The following ANO10 variants were observed in gnomAD, a reference collection of about 807,000 sequenced individuals.
ANO10 encodes the protein anoctamin-10.
Under a neutral mutation model 74.7 loss-of-function variants are expected in ANO10, and 77 were observed. That is an observed-to-expected ratio of 1.03 (90% confidence interval 0.86 to 1.25). The LOEUF (loss-of-function observed/expected upper bound fraction) is 1.25. ANO10 is among the 50% of genes most tolerant of loss of function. The probability of loss-of-function intolerance (pLI) is 0.00; values close to 1 mark genes in which losing one functional copy is unlikely to be tolerated. For synonymous variants in ANO10, 279 were observed against 284.9 expected, an observed-to-expected ratio of 0.98 and a Z score of 0.21; for missense variants, 721 against 778.1, an observed-to-expected ratio of 0.93 and a Z score of 0.87.
At position 43,598,548 on chromosome 3, in the gene ANO10, A is replaced by G; in HGVS notation, c.456T>C (p.Tyr152=). 1 of 1,613,210 alleles carries G rather than the reference A, an allele frequency of 6.2e-7. No individual in the cohort carries two copies. Among genetic ancestry groups the G allele is most frequent in the African/African-American group, 1.3e-5 (1 of 75,034 alleles). The change falls in exon 4 of 13, where the codon TAT becomes TAC. Residue 152 remains tyrosine (Y), a synonymous_variant. Transcript: ENST00000292246. ...MIPGYPQAKL[Y]PGKSLLRRLL... The stretch of plus-strand genomic sequence containing the variant: ...ATGACTTACACAATGATTTTCCTGG[A>G]TACAACTTTGCCTGAGGGTAACCAG...
chr3:43,419,681 A>C (rs1411602881), intron 12 of ANO10, among the ~76,000 whole-genome samples: 1 of 151,904 alleles, frequency 6.6e-6, no homozygotes, highest in Non-Finnish European at 1.5e-5. Context: ...ATGGCTGGCT[A>C]ATTCTTTGTA....
chr3:43,546,339 TC>T, intron 11 of ANO10, among the ~76,000 whole-genome samples: 1 of 152,296 alleles, frequency 6.6e-6, no homozygotes, highest in East Asian at 1.9e-4. Context: ...GTCTCACACC[TC>T]CTGATTTCAA....
chr3:43,426,430 C>A (rs569123066), intron 12 of ANO10, among the ~76,000 whole-genome samples: 1 of 152,312 alleles, frequency 6.6e-6, no homozygotes, highest in Admixed American at 6.5e-5. Context: ...GGGTCCTACA[C>A]CTAATTTGAG....
intron 11 of ANO10, chr3:43,485,211 T>C (rs2149097681): frequency 2.9e-6 from 2 of 681,832 alleles, no homozygotes; most frequent in East Asian, 2.6e-5. Context: ...GTATTGCCGG[T>C]ACATGTTGTA....
At chr3:43,433,503 G>A (rs1011439530) in intron 11 of ANO10, among the ~76,000 whole-genome samples, 3 of 152,034 alleles carry the variant, frequency 2.0e-5, no homozygotes, top group Non-Finnish European at 2.9e-5. Context: ...AGCATTTGGT[G>A]CATTTTCTTT....
rs554526353 is a variant in ANO10, at chr3:43,679,382, G to A, written c.-12+12135C>T. ...TGAGATCAAACTGCAAGGCAGCAGC[G>A]AGGCTAGGGGAGGGGTGCCTGCCAT... On this transcript the variant is annotated intron_variant, in intron 1 of 3. Transcript: ENST00000413397. Among the ~76,000 whole-genome samples the A allele has an allele frequency of 4.6e-5, 7 of 152,282 alleles. No individual in the cohort carries two copies. In the East Asian group the frequency reaches 1.2e-3, roughly 25 times the overall value.
chr3:43,587,543 G>T (rs562814122), intron 4 of ANO10, among the ~76,000 whole-genome samples: 1 of 152,358 alleles, frequency 6.6e-6, no homozygotes, highest in African/African-American at 2.4e-5. Context: ...AGCAGCAAGG[G>T]CTGAAGGGAA....
chr3:43,649,356 A>G (rs544018767), intron 1 of ANO10, among the ~76,000 whole-genome samples: 4 of 152,252 alleles, frequency 2.6e-5, no homozygotes, highest in Admixed American at 6.5e-5. Context: ...GTAGCCTTAA[A>G]AACATTAAAT....
intron 1 of ANO10, among the ~76,000 whole-genome samples, chr3:43,679,302 A>C (rs1300546329): frequency 6.6e-6 from 1 of 152,078 alleles, no homozygotes; most frequent in East Asian, 1.9e-4. Context: ...TATCCCGTGC[A>C]TGGCTCGGAG....
At chr3:43,622,333 G>T (rs1344980604), upstream of ANO10, among the ~76,000 whole-genome samples, 1 of 152,232 alleles carries the variant, frequency 6.6e-6, no homozygotes, top group Non-Finnish European at 1.5e-5. Context: ...GGAGAGGCGC[G>T]GCCGAGAAGG....
chr3:43,529,178 T>G (rs1177516806), intron 11 of ANO10, among the ~76,000 whole-genome samples: 1 of 152,202 alleles, frequency 6.6e-6, no homozygotes, highest in Non-Finnish European at 1.5e-5. Flanking sequence ...GGAAAGCAGA[T>G]TCACATCAGA....
At chr3:43,666,791 C>T (rs780641931) in intron 1 of ANO10, among the ~76,000 whole-genome samples, 60 of 152,280 alleles carry the variant, frequency 3.9e-4, no homozygotes, top group Middle Eastern at 6.8e-3. Flanking sequence ...GGTGGCTCTT[C>T]TTGCTGCATC....
intron 12 of ANO10, among the ~76,000 whole-genome samples, chr3:43,377,775 G>C (rs2091850891): frequency 6.6e-6 from 1 of 152,208 alleles, no homozygotes. Flanking sequence ...TGAAAGCCAT[G>C]GCTAGGTGAC....
At chr3:43,654,478 T>A (rs1559386608) in intron 1 of ANO10, among the ~76,000 whole-genome samples, 1 of 152,112 alleles carries the variant, frequency 6.6e-6, no homozygotes, top group Non-Finnish European at 1.5e-5. Context: ...CATCAGAAAA[T>A]GTTGCAGTGG....
intron 11 of ANO10, among the ~76,000 whole-genome samples, chr3:43,507,242 CAA>C (rs1407541965): frequency 2.6e-5 from 4 of 152,162 alleles, no homozygotes; most frequent in Admixed American, 6.5e-5. Context: ...TCAGATACCA[CAA>C]ACAGAGGGAT....
At chr3:43,559,970 A>C (rs2079947510) in intron 9 of ANO10, among the ~76,000 whole-genome samples, 1 of 152,172 alleles carries the variant, frequency 6.6e-6, no homozygotes, top group Non-Finnish European at 1.5e-5. Flanking sequence ...TTCAAAGTTT[A>C]CTATGTGTTT....
intron 12 of ANO10, among the ~76,000 whole-genome samples, chr3:43,431,547 T>A (rs1382730183): frequency 6.6e-6 from 1 of 152,056 alleles, no homozygotes; most frequent in Non-Finnish European, 1.5e-5. Context: ...GGCATGATGC[T>A]GGGTTCCGGT....
chr3:43,658,594 T>C (rs2083884762), intron 1 of ANO10, among the ~76,000 whole-genome samples: 2 of 152,046 alleles, frequency 1.3e-5, no homozygotes, highest in South Asian at 2.1e-4. Context: ...CTCAGCCTCC[T>C]GAGTAGCTGG....
Position 43,690,533 on chromosome 3 carries a change from C to T in ANO10, c.-12+984G>A, listed in dbSNP as rs115902860. 1,113 of 159,382 alleles carry T rather than the reference C, an allele frequency of 7.0e-3. 16 individuals carry two copies. The highest frequency in any genetic ancestry group is 0.025 in the African/African-American group (1,059 of 41,898). The allele number at this position is 159,382 out of a possible 1,614,324, so 9.9% of individuals were successfully genotyped here. A position where few individuals can be genotyped will look rare whatever the true frequency, so the allele number is the denominator to read the frequency against. On this transcript the variant is annotated intron_variant, in intron 1 of 3. Transcript: ENST00000413397. ...GCGGGGAAAGGCTGGCGGGACGCCA[C>T]ACAGCACCTCGATTACGCCATTTCA...
Sources: gnomAD v4.1 joint callset for allele counts (sites outside exome capture counted in the v4.1 genomes callset) on GRCh38, gnomAD v4.1.1 for gene constraint, MANE v1.5 for transcripts, NCBI Gene and HGNC (gene_info 2026-07-23, HGNC 2026-07-21) for gene names.